The following VWC2L variants were observed in gnomAD, a reference collection of about 807,000 sequenced individuals.
The protein encoded by VWC2L is von Willebrand factor C domain containing 2 like, also known as von Willebrand factor C domain-containing protein 2-like.
In VWC2L, 10 loss-of-function variants were observed where a neutral mutation model predicts 21.6. The observed-to-expected ratio is 0.46, with a 90% CI of 0.29 to 0.78. The LOEUF (loss-of-function observed/expected upper bound fraction) is 0.78, where lower values mean the gene tolerates loss of function less well. Ranked by LOEUF, VWC2L falls within the 30% of genes least tolerant of loss-of-function variation. VWC2L has a pLI of 0.10. For missense variants in VWC2L, 209 were observed against 277.1 expected (o/e 0.75, Z 1.74); for synonymous variants, 96 against 94.3 (o/e 1.02, Z -0.10).
At chr2:214,451,585 G>A (rs557354595) in intron 3 of VWC2L, among the ~76,000 whole-genome samples, 60 of 152,246 alleles carry the variant, frequency 3.9e-4, no homozygotes, top group African/African-American at 1.4e-3. Flanking sequence ...CTATTCTTAA[G>A]GCTCATGGCA....
intron 3 of VWC2L, among the ~76,000 whole-genome samples, chr2:214,466,211 C>G (rs115314980): frequency 6.6e-6 from 1 of 152,108 alleles, no homozygotes; most frequent in African/African-American, 2.4e-5. Context: ...ATTGTTCTAC[C>G]TCTCTCAGTA....
intron 3 of VWC2L, among the ~76,000 whole-genome samples, chr2:214,545,591 A>T (rs768034860): frequency 1.3e-5 from 2 of 152,220 alleles, no homozygotes; most frequent in Non-Finnish European, 2.9e-5. Context: ...ATGTTTCTGA[A>T]GTTCCAGAGC....
At chr2:214,566,609 G>C (rs1363347287) in intron 3 of VWC2L, among the ~76,000 whole-genome samples, 1 of 152,058 alleles carries the variant, frequency 6.6e-6, no homozygotes, top group Non-Finnish European at 1.5e-5. Context: ...TAATAAAAAG[G>C]GTTTGGAAGT....
intron 3 of VWC2L, among the ~76,000 whole-genome samples, chr2:214,549,310 T>C (rs1481807634): frequency 5.9e-5 from 9 of 152,288 alleles, no homozygotes; most frequent in African/African-American, 1.9e-4. Flanking sequence ...TGGGCATCCT[T>C]AGGAGGCCAT....
chr2:214,573,192 G>T (rs1437373467), intron 3 of VWC2L, among the ~76,000 whole-genome samples: 1 of 152,018 alleles, frequency 6.6e-6, no homozygotes, highest in Non-Finnish European at 1.5e-5. Context: ...TTGTGCCACT[G>T]ATATTACCCA....
At chr2:214,455,483 G>A (rs1383118925) in intron 3 of VWC2L, among the ~76,000 whole-genome samples, 1 of 152,064 alleles carries the variant, frequency 6.6e-6, no homozygotes, top group African/African-American at 2.4e-5. Flanking sequence ...AATGTGTAAT[G>A]ACCAACTCCG....
chr2:214,467,335 T>C (rs185297111), intron 3 of VWC2L, among the ~76,000 whole-genome samples: 104 of 147,694 alleles, frequency 7.0e-4, no homozygotes, highest in Admixed American at 2.5e-3. Flanking sequence ...TCCAGGTCTG[T>C]TGAGTTTTCT....
At position 214,565,331 on chromosome 2, in the gene VWC2L, A is replaced by T. The variant is rs573614934; in HGVS notation, c.521-10341A>T. Among the ~76,000 whole-genome samples, 6 of 152,290 alleles carry T rather than the reference A, an allele frequency of 3.9e-5. No individual in the cohort carries two copies. The South Asian group carries it at 1.2e-3, about 32-fold the overall frequency. On this transcript the variant is annotated intron_variant, in intron 3 of 3. Transcript: ENST00000312504. Reference sequence around the variant, plus strand: ...CAACCTCTTTGTTATCCCTTAACTTAGACTTTCTCCCATCACATCTGGGCC... The same window carrying T: ...CAACCTCTTTGTTATCCCTTAACTTTGACTTTCTCCCATCACATCTGGGCC...
intron 3 of VWC2L, among the ~76,000 whole-genome samples, chr2:214,565,974 C>A (rs1451615630): frequency 1.3e-5 from 2 of 152,160 alleles, no homozygotes; most frequent in African/African-American, 2.4e-5. Context: ...TTACTCCTAT[C>A]TCTTTGAACC....
At chr2:214,554,068 T>A (rs1033692993) in intron 3 of VWC2L, among the ~76,000 whole-genome samples, 1 of 152,124 alleles carries the variant, frequency 6.6e-6, no homozygotes, top group Non-Finnish European at 1.5e-5. Flanking sequence ...CATCTTGGAC[T>A]CTTTCTGCAC....
At chr2:214,544,433 T>C (rs1689674024) in intron 3 of VWC2L, among the ~76,000 whole-genome samples, 1 of 152,124 alleles carries the variant, frequency 6.6e-6, no homozygotes, top group Admixed American at 6.6e-5. Flanking sequence ...ACACAGCCTG[T>C]CTTCTATGAC....
intron 3 of VWC2L, among the ~76,000 whole-genome samples, chr2:214,522,707 T>TA: frequency 6.6e-6 from 1 of 152,196 alleles, no homozygotes; most frequent in East Asian, 1.9e-4. Flanking sequence ...ATAGATTTTT[T>TA]AAAACATACT....
At chr2:214,537,557 G>A (rs1371942229) in intron 3 of VWC2L, among the ~76,000 whole-genome samples, 1 of 151,920 alleles carries the variant, frequency 6.6e-6, no homozygotes, top group African/African-American at 2.4e-5. Flanking sequence ...CTAGAGGCTG[G>A]GGATGAGAGA....
chr2:214,502,101 CAATT>C (rs932576888), intron 3 of VWC2L, among the ~76,000 whole-genome samples: 1 of 152,208 alleles, frequency 6.6e-6, no homozygotes, highest in African/African-American at 2.4e-5. Context: ...ATAACCAAAA[CAATT>C]AAACACTGCT....
chr2:214,484,193 TCTAA>T (rs1688645070), intron 3 of VWC2L, among the ~76,000 whole-genome samples: 1 of 152,076 alleles, frequency 6.6e-6, no homozygotes, highest in South Asian at 2.1e-4. Context: ...TATGACCTCA[TCTAA>T]CTATTATCTG....
intron 3 of VWC2L, among the ~76,000 whole-genome samples, chr2:214,498,671 T>G (rs977559481): frequency 4.7e-5 from 7 of 148,750 alleles, no homozygotes; most frequent in African/African-American, 1.7e-4. Flanking sequence ...AATACATATT[T>G]TTATATATGG....
intron 3 of VWC2L, among the ~76,000 whole-genome samples, chr2:214,443,610 T>A (rs1702794525): frequency 1.3e-5 from 2 of 152,144 alleles, no homozygotes; most frequent in Admixed American, 1.3e-4. Context: ...AATGACATTG[T>A]ACATGAAAAA....
chr2:214,455,018 G>A (rs538370325), intron 3 of VWC2L, among the ~76,000 whole-genome samples: 1 of 152,264 alleles, frequency 6.6e-6, no homozygotes, highest in South Asian at 2.1e-4. Context: ...CTAAGCTTAT[G>A]AGGCATATTA....
At chr2:214,474,160 A>G (rs897075842) in intron 3 of VWC2L, among the ~76,000 whole-genome samples, 3 of 152,208 alleles carry the variant, frequency 2.0e-5, no homozygotes, top group Non-Finnish European at 4.4e-5. Context: ...GCATTGAAAA[A>G]AAAAGGAAGA....
Sources: gnomAD v4.1 joint callset for allele counts (sites outside exome capture counted in the v4.1 genomes callset) on GRCh38, gnomAD v4.1.1 for gene constraint, MANE v1.5 for transcripts, NCBI Gene and HGNC (gene_info 2026-07-23, HGNC 2026-07-21) for gene names.